CACHD1: variants seen among roughly 807,000 people sequenced by gnomAD.
CACHD1 encodes VWFA and cache domain-containing protein 1.
CACHD1 carries 71 observed loss-of-function variants against 138.7 expected under a neutral mutation model. The observed-to-expected ratio is 0.51, with a 90% CI of 0.42 to 0.62. The LOEUF (loss-of-function observed/expected upper bound fraction) is 0.62. CACHD1 is among the 20% of genes least tolerant of loss of function. The pLI, the probability that CACHD1 is intolerant of heterozygous loss-of-function variation, is 0.00. For synonymous variants in CACHD1, 578 were observed against 591.5 expected (o/e 0.98, Z 0.33); for missense variants, 1,389 against 1,625.3 (o/e 0.85, Z 2.50).
intron 7 of CACHD1, among the ~76,000 whole-genome samples, chr1:64,635,546 G>A (rs1310472734): frequency 6.6e-6 from 1 of 151,342 alleles, no homozygotes; most frequent in African/African-American, 2.4e-5. Flanking sequence ...ACCATGCCTG[G>A]CTAATTTTTG....
At chr1:64,645,285 A>C (rs2100667467) in intron 8 of CACHD1, among the ~76,000 whole-genome samples, 1 of 152,262 alleles carries the variant, frequency 6.6e-6, no homozygotes, top group East Asian at 1.9e-4. Flanking sequence ...GACTGTAGTC[A>C]ATAGTAATTT....
intron 2 of CACHD1, among the ~76,000 whole-genome samples, chr1:64,552,476 T>TG (rs1342679239): frequency 6.7e-6 from 1 of 150,084 alleles, no homozygotes; most frequent in African/African-American, 2.4e-5. Flanking sequence ...GTTTTGTTTT[T>TG]TTTTTTTTTT....
In CACHD1 at chr1:64,663,836, A is replaced by G. The variant is rs1346939845; in HGVS notation, c.2093A>G (p.Lys698Arg). ...NTRLIANPGLKFSVRNEVMAT... is the reference protein window; with the variant it reads ...NTRLIANPGLRFSVRNEVMAT... ...CGCCTCATTGCTAACCCGGGCCTCA[A>G]AGTAAGCATTGGCGCAGAGCTCCAT... Residue 698 changes from lysine to arginine, a missense_variant and splice_region_variant, in exon 14 of 27, where the codon AAA becomes AGA. Lys to Arg is a conservative substitution (Grantham distance 26). Transcript: ENST00000651257. 1.9e-6 allele frequency: 3 copies of G among 1,614,084 alleles called. No individual in the cohort carries two copies. Among genetic ancestry groups the G allele is most frequent in the East Asian group, 2.2e-5 (1 of 44,864 alleles).
chr1:64,484,960 G>T (rs924973325), intron 1 of CACHD1, among the ~76,000 whole-genome samples: 2 of 152,070 alleles, frequency 1.3e-5, no homozygotes, highest in Non-Finnish European at 2.9e-5. Context: ...TATCTGTTTG[G>T]GTCTGCTTTC....
chr1:64,477,688 G>T (rs554161974), intron 1 of CACHD1, among the ~76,000 whole-genome samples: 22 of 149,748 alleles, frequency 1.5e-4, no homozygotes, highest in Admixed American at 5.3e-4. Flanking sequence ...ACTGCGGACT[G>T]CAGTGGCACA....
chr1:64,602,378 C>T lies in CACHD1; in HGVS notation c.411-428C>T, dbSNP rs190972848. On this transcript the variant is annotated intron_variant, in intron 3 of 26. Transcript: ENST00000651257. ...TCCTACTCCACACCCATTCAACCTT[C>T]ACTACTGTCTATTTTTGTACTTGGT... Among the ~76,000 whole-genome samples the T allele has an allele frequency of 1.5e-3, 233 of 152,136 alleles. 2 individuals are homozygous for T. The highest frequency in any genetic ancestry group is 0.014 in the Admixed American group (208 of 15,278).
intron 8 of CACHD1, among the ~76,000 whole-genome samples, chr1:64,642,581 C>T (rs1034589254): frequency 6.6e-6 from 1 of 152,208 alleles, no homozygotes; most frequent in African/African-American, 2.4e-5. Context: ...ATTCAAGCTA[C>T]TACTACATTT....
intron 3 of CACHD1, among the ~76,000 whole-genome samples, chr1:64,586,264 A>G (rs113629398): frequency 0.016 from 2,446 of 152,216 alleles, 63 homozygotes; most frequent in African/African-American, 0.056. Context: ...GGGTTTCACC[A>G]TTTTGGCCAG....
intron 1 of CACHD1, among the ~76,000 whole-genome samples, chr1:64,544,462 C>A (rs1269810980): frequency 2.0e-5 from 3 of 152,038 alleles, no homozygotes; most frequent in Non-Finnish European, 2.9e-5. Flanking sequence ...ATCTGTCAAG[C>A]AGGCTCAATT....
At chr1:64,564,783 T>C (rs1314269092) in intron 2 of CACHD1, among the ~76,000 whole-genome samples, 1 of 152,146 alleles carries the variant, frequency 6.6e-6, no homozygotes, top group Non-Finnish European at 1.5e-5. Flanking sequence ...GCAAAACTAA[T>C]TGAGAAGTGT....
At chr1:64,522,734 A>C (rs888681974) in intron 1 of CACHD1, among the ~76,000 whole-genome samples, 4 of 152,224 alleles carry the variant, frequency 2.6e-5, no homozygotes, top group Non-Finnish European at 5.9e-5. Flanking sequence ...TTAAAAAAAA[A>C]GTCCTTGAGG....
intron 13 of CACHD1, among the ~76,000 whole-genome samples, chr1:64,659,552 A>G (rs973022109): frequency 6.6e-6 from 1 of 152,174 alleles, no homozygotes; most frequent in Non-Finnish European, 1.5e-5. Flanking sequence ...GATGTTTTTT[A>G]TTTTTCACCT....
intron 1 of CACHD1, among the ~76,000 whole-genome samples, chr1:64,533,005 G>A (rs921568110): frequency 6.6e-6 from 1 of 151,962 alleles, no homozygotes; most frequent in Non-Finnish European, 1.5e-5. Flanking sequence ...GAATTCTGTA[G>A]GATTAGGACA....
intron 26 of CACHD1, 107 bp from the exon 27 acceptor site, chr1:64,691,216 G>A: frequency 1.1e-6 from 1 of 922,720 alleles, no homozygotes. Context: ...TTGCACCTAT[G>A]TATTGCAAAG....
At chr1:64,574,952 T>C (rs556311019) in intron 2 of CACHD1, among the ~76,000 whole-genome samples, 16 of 152,316 alleles carry the variant, frequency 1.1e-4, no homozygotes, top group African/African-American at 3.8e-4. Flanking sequence ...GAATTAACCA[T>C]ATGGATGAGT....
chr1:64,547,323 T>C (rs1646725439), intron 1 of CACHD1, among the ~76,000 whole-genome samples: 1 of 152,206 alleles, frequency 6.6e-6, no homozygotes, highest in Non-Finnish European at 1.5e-5. Context: ...CCCTGTAGTT[T>C]GAGATCTTGT....
intron 2 of CACHD1, among the ~76,000 whole-genome samples, chr1:64,564,359 C>T (rs1646864760): frequency 6.6e-6 from 1 of 152,078 alleles, no homozygotes; most frequent in Admixed American, 6.6e-5. Flanking sequence ...TTCTTCCCCT[C>T]ACCCTCCCAT....
At chr1:64,481,143 T>C (rs1427513034) in intron 1 of CACHD1, among the ~76,000 whole-genome samples, 1 of 152,162 alleles carries the variant, frequency 6.6e-6, no homozygotes, top group Non-Finnish European at 1.5e-5. Context: ...TCCATATTTC[T>C]CTGGATATAG....
chr1:64,500,737 AGAGAGAG>A (rs1646334306), intron 1 of CACHD1, among the ~76,000 whole-genome samples: 3 of 8,170 alleles, frequency 3.7e-4, no homozygotes, highest in African/African-American at 6.0e-4. Context: ...AAAAAAAAAG[AGAGAGAG>A]AGAGAGAGAG....
Sources: gnomAD v4.1 joint callset for allele counts (sites outside exome capture counted in the v4.1 genomes callset) on GRCh38, gnomAD v4.1.1 for gene constraint, MANE v1.5 for transcripts, NCBI Gene and HGNC (gene_info 2026-07-23, HGNC 2026-07-21) for gene names.